ZFHX3: variants seen among roughly 807,000 people sequenced by gnomAD.
ZFHX3 encodes the protein zinc finger homeobox protein 3.
Under a neutral mutation model 279.1 loss-of-function variants are expected in ZFHX3, and 42 were observed. The ratio of observed to expected loss-of-function variants is 0.15; its 90% CI spans 0.12 to 0.19. The LOEUF (loss-of-function observed/expected upper bound fraction) is 0.19, where lower values mean the gene tolerates loss of function less well. Ranked by LOEUF, ZFHX3 falls within the 10% of genes least tolerant of loss-of-function variation. ZFHX3 has a pLI of 1.00. For missense variants in ZFHX3, 4,981 were observed against 4,754.0 expected (o/e 1.05, Z -1.40); for synonymous variants, 2,293 against 1,957.8 (o/e 1.17, Z -4.52).
chr16:72,869,757 G>A (rs6416744), intron 4 of ZFHX3, among the ~76,000 whole-genome samples: 147,874 of 152,322 alleles, frequency 0.97, 72,179 homozygotes, highest in Middle Eastern at 1. Context: ...CATTTAAACA[G>A]TTCAATTCCT....
intron 3 of ZFHX3, among the ~76,000 whole-genome samples, chr16:72,898,079 T>G (rs1383908618): frequency 6.6e-6 from 1 of 152,144 alleles, no homozygotes; most frequent in Non-Finnish European, 1.5e-5. Flanking sequence ...GCGTTATAGT[T>G]CCAAATGTAA....
At chr16:73,885,893 CCT>C (rs974223179) in intron 1 of ZFHX3, among the ~76,000 whole-genome samples, 6 of 152,158 alleles carry the variant, frequency 3.9e-5, no homozygotes, top group Non-Finnish European at 8.8e-5. Context: ...TAAGTACCCC[CCT>C]GACTGAGGGA....
chr16:73,605,000 T>C (rs2052163256), intron 2 of ZFHX3, among the ~76,000 whole-genome samples: 2 of 152,184 alleles, frequency 1.3e-5, no homozygotes, highest in African/African-American at 4.8e-5. Flanking sequence ...TCACCCTTCT[T>C]GTGGACTGCT....
intron 1 of ZFHX3, among the ~76,000 whole-genome samples, chr16:73,836,791 G>A (rs1961153859): frequency 6.6e-6 from 1 of 152,228 alleles, no homozygotes; most frequent in South Asian, 2.1e-4. Flanking sequence ...GCCTTCCTTA[G>A]ATGATTAGTT....
chr16:73,278,822 G>C (rs1020294171), intron 4 of ZFHX3, among the ~76,000 whole-genome samples: 1 of 152,120 alleles, frequency 6.6e-6, no homozygotes, highest in Non-Finnish European at 1.5e-5. Context: ...GCGCTGATTG[G>C]TGCATTTTAC....
intron 1 of ZFHX3, among the ~76,000 whole-genome samples, chr16:73,882,538 T>C (rs1025159674): frequency 2.6e-5 from 4 of 152,100 alleles, no homozygotes; most frequent in African/African-American, 9.7e-5. Flanking sequence ...GAGATTTCAC[T>C]TTGATGGCTC....
At chr16:73,686,924 CT>C (rs1458944581) in intron 1 of ZFHX3, among the ~76,000 whole-genome samples, 7 of 149,390 alleles carry the variant, frequency 4.7e-5, no homozygotes, top group African/African-American at 1.5e-4. Flanking sequence ...GAATGGAACC[CT>C]TTTTTGTACA....
chr16:72,801,862 T>C (rs1346291256), intron 7 of ZFHX3, among the ~76,000 whole-genome samples: 2 of 151,268 alleles, frequency 1.3e-5, no homozygotes, highest in African/African-American at 4.9e-5. Flanking sequence ...CACCGATTAA[T>C]TTGTAGTCCT....
chr16:73,042,185 T>C (rs182838359), intron 1 of ZFHX3, among the ~76,000 whole-genome samples: 1 of 152,290 alleles, frequency 6.6e-6, no homozygotes, highest in East Asian at 1.9e-4. Flanking sequence ...GGCACTTATA[T>C]GACTTTTTCA....
chr16:73,211,406 C>A (rs1032056017), intron 5 of ZFHX3, among the ~76,000 whole-genome samples: 2 of 152,082 alleles, frequency 1.3e-5, no homozygotes, highest in Admixed American at 1.3e-4. Context: ...CAAATTTTAT[C>A]ACTTAAATGT....
intron 3 of ZFHX3, among the ~76,000 whole-genome samples, chr16:72,947,028 G>A (rs747804445): frequency 7.9e-5 from 12 of 152,196 alleles, no homozygotes; most frequent in East Asian, 3.8e-4. Flanking sequence ...AGCCAATCAC[G>A]GGGATCCCAA....
At chr16:72,802,837 GC>G (rs1341517877) in intron 7 of ZFHX3, among the ~76,000 whole-genome samples, 2 of 152,108 alleles carry the variant, frequency 1.3e-5, no homozygotes, top group African/African-American at 2.4e-5. Flanking sequence ...ATCTTGAAGA[GC>G]CATAAACAAT....
chr16:73,327,348 A>G (rs562170606), intron 3 of ZFHX3, among the ~76,000 whole-genome samples: 5 of 152,306 alleles, frequency 3.3e-5, no homozygotes, highest in African/African-American at 1.2e-4. Flanking sequence ...GAGACCAGGT[A>G]TGATGACTCA....
At chr16:72,930,995 T>C (rs1959766240) in intron 3 of ZFHX3, among the ~76,000 whole-genome samples, 1 of 152,224 alleles carries the variant, frequency 6.6e-6, no homozygotes, top group South Asian at 2.1e-4. Flanking sequence ...GTGTTCAAAT[T>C]TGCAACCTTA....
chr16:73,746,036 C>G (rs1177289736), intron 1 of ZFHX3, among the ~76,000 whole-genome samples: 1 of 151,942 alleles, frequency 6.6e-6, no homozygotes, highest in Non-Finnish European at 1.5e-5. Flanking sequence ...TTCAAATTCC[C>G]TCTATTTATT....
chr16:73,337,200 T>C (rs1189890920), intron 3 of ZFHX3, among the ~76,000 whole-genome samples: 1 of 152,210 alleles, frequency 6.6e-6, no homozygotes, highest in Non-Finnish European at 1.5e-5. Context: ...TGTGTGCTCC[T>C]AATCTGACCC....
chr16:73,098,071 ATT>A (rs35816942), intron 7 of ZFHX3, among the ~76,000 whole-genome samples: 2 of 143,182 alleles, frequency 1.4e-5, no homozygotes, highest in East Asian at 2.1e-4. Context: ...TTGTGTATCT[ATT>A]TTTTTTTTTT....
intron 3 of ZFHX3, among the ~76,000 whole-genome samples, chr16:73,422,195 A>G (rs1393987708): frequency 1.2e-5 from 1 of 86,174 alleles, no homozygotes; most frequent in African/African-American, 4.0e-5. Flanking sequence ...TGTTTTCAGA[A>G]GATTTTTTTT....
At chr16:73,851,979 C>T (rs945842345) in intron 1 of ZFHX3, among the ~76,000 whole-genome samples, 1 of 152,186 alleles carries the variant, frequency 6.6e-6, no homozygotes, top group Non-Finnish European at 1.5e-5. Context: ...CCAAAGCCAT[C>T]TCTTACCGTG....
Sources: allele counts gnomAD v4.1 joint callset (sites outside exome capture counted in the v4.1 genomes callset), GRCh38; gene constraint gnomAD v4.1.1; transcripts MANE v1.5; gene names NCBI Gene and HGNC (gene_info 2026-07-23, HGNC 2026-07-21).